AFF2: variants seen among roughly 807,000 people sequenced by gnomAD.
AFF2 encodes the protein AF4/FMR2 family member 2.
Under a neutral mutation model 76.9 loss-of-function variants are expected in AFF2, and 14 were observed. The observed-to-expected ratio is 0.18, with a 90% CI of 0.12 to 0.28. The LOEUF (loss-of-function observed/expected upper bound fraction) is 0.28. AFF2 is among the 10% of genes least tolerant of loss of function. The pLI, the probability that AFF2 is intolerant of heterozygous loss-of-function variation, is 1.00. For missense variants in AFF2, 868 were observed against 1,001.1 expected (o/e 0.87, Z 1.79); for synonymous variants, 398 against 366.7 (o/e 1.09, Z -0.98).
At chrX:148,674,597 A>T (rs1477567880) in intron 3 of AFF2, among the ~76,000 whole-genome samples, 2 of 112,032 alleles carry the variant, frequency 1.8e-5, no homozygotes, top group Admixed American at 1.9e-4. Context: ...TCTATTCAAG[A>T]GAATCTTTTT....
intron 9 of AFF2, among the ~76,000 whole-genome samples, chrX:148,944,699 T>C (rs2071879188): frequency 9.0e-6 from 1 of 110,660 alleles, no homozygotes; most frequent in Non-Finnish European, 1.9e-5. Context: ...TTTGAAGACA[T>C]AATGGTCCAT....
At chrX:148,905,276 A>G (rs2071395848) in intron 9 of AFF2, among the ~76,000 whole-genome samples, 1 of 111,998 alleles carries the variant, frequency 8.9e-6, no homozygotes, top group African/African-American at 3.2e-5. Flanking sequence ...TTTAAGTTTC[A>G]TTTTTCTTAG....
intron 1 of AFF2, among the ~76,000 whole-genome samples, chrX:148,524,123 CTGTGTGTGTGTG>C (rs59890095): frequency 1.2e-4 from 10 of 83,462 alleles, no homozygotes; most frequent in Non-Finnish European, 2.0e-4. Context: ...CTCTCTCTCT[CTGTGTGTGTGTG>C]TGTGTGTGTG....
chrX:148,708,405 C>G (rs1465612401), intron 3 of AFF2, among the ~76,000 whole-genome samples: 1 of 111,580 alleles, frequency 9.0e-6, no homozygotes, highest in Non-Finnish European at 1.9e-5. Context: ...TGGCTTTATT[C>G]TCATATTCTT....
chrX:148,988,812 A>G (rs782181218), intron 20 of AFF2, among the ~76,000 whole-genome samples: 1 of 112,086 alleles, frequency 8.9e-6, no homozygotes, highest in South Asian at 3.7e-4. Context: ...AGCAATTTCT[A>G]TGTGCCAGGA....
At chrX:148,829,580 C>T (rs782483841) in intron 4 of AFF2, among the ~76,000 whole-genome samples, 3 of 111,806 alleles carry the variant, frequency 2.7e-5, no homozygotes, top group Admixed American at 9.5e-5. Flanking sequence ...TTTAGTCAGC[C>T]GTGTTTATAT....
intron 4 of AFF2, among the ~76,000 whole-genome samples, chrX:148,811,989 T>A (rs890114412): frequency 9.0e-6 from 1 of 111,680 alleles, no homozygotes; most frequent in Non-Finnish European, 1.9e-5. Flanking sequence ...AATTCTTTTT[T>A]TTTTTTTCCA....
chrX:148,769,926 G>A (rs1020028950), intron 3 of AFF2, among the ~76,000 whole-genome samples: 17 of 111,536 alleles, frequency 1.5e-4, no homozygotes, highest in African/African-American at 4.9e-4. Context: ...TGGGGGCAGA[G>A]CTTTCCATGG....
intron 9 of AFF2, among the ~76,000 whole-genome samples, chrX:148,928,714 A>G (rs1205235070): frequency 3.6e-5 from 4 of 112,203 alleles, no homozygotes; most frequent in Non-Finnish European, 5.6e-5. Context: ...ACAACCTACC[A>G]TGTCCATCAT....
intron 9 of AFF2, among the ~76,000 whole-genome samples, chrX:148,926,646 C>G (rs782221354): frequency 8.9e-6 from 1 of 112,078 alleles, no homozygotes; most frequent in Non-Finnish European, 1.9e-5. Flanking sequence ...CATAATTACA[C>G]AGGATATGTT....
chrX:148,647,326 A>C, intron 1 of AFF2, among the ~76,000 whole-genome samples: 1 of 112,576 alleles, frequency 8.9e-6, no homozygotes. Flanking sequence ...ATTTTAAAAC[A>C]AATTTATCAT....
intron 1 of AFF2, among the ~76,000 whole-genome samples, chrX:148,602,474 G>A (rs1000076305): frequency 6.3e-5 from 7 of 110,367 alleles, no homozygotes; most frequent in African/African-American, 2.3e-4. Context: ...GGGTGATAGC[G>A]GAGGATGAGA....
chrX:148,760,696 T>C (rs909079200), intron 3 of AFF2, among the ~76,000 whole-genome samples: 1 of 112,246 alleles, frequency 8.9e-6, no homozygotes, highest in Non-Finnish European at 1.9e-5. Flanking sequence ...CAGTGAAGTA[T>C]GCTGAGGTAT....
At chrX:148,962,686 T>C in intron 12 of AFF2, 29 bp from the exon 13 acceptor site, 1 of 1,141,812 alleles carries the variant, frequency 8.8e-7, no homozygotes, top group Non-Finnish European at 1.2e-6. Flanking sequence ...GAAGACTTTA[T>C]GACACCCTAC....
chrX:148,590,808 T>C (rs1172694611), intron 1 of AFF2, among the ~76,000 whole-genome samples: 2 of 112,291 alleles, frequency 1.8e-5, no homozygotes, highest in African/African-American at 6.5e-5. Context: ...TGAATATTTT[T>C]CATTATGATT....
chrX:148,970,184 T>C (rs781822280), intron 15 of AFF2, among the ~76,000 whole-genome samples: 235 of 112,293 alleles, frequency 2.1e-3, no homozygotes, highest in African/African-American at 7.3e-3. Context: ...CAAAATCCGC[T>C]TGAATTTGAT....
chrX:148,823,700 C>A (rs2070353829), intron 4 of AFF2, among the ~76,000 whole-genome samples: 1 of 111,981 alleles, frequency 8.9e-6, no homozygotes, highest in African/African-American at 3.2e-5. Context: ...TAATTTATTT[C>A]CTCCTGAGTC....
intron 1 of AFF2, among the ~76,000 whole-genome samples, chrX:148,594,254 C>T (rs904640023): frequency 4.5e-5 from 5 of 111,261 alleles, no homozygotes; most frequent in East Asian, 2.9e-4. Context: ...AGGACTTACT[C>T]GGGTCTGGAA....
At chrX:148,715,390 A>G (rs193098314) in intron 3 of AFF2, among the ~76,000 whole-genome samples, 4 of 111,505 alleles carry the variant, frequency 3.6e-5, no homozygotes, top group African/African-American at 6.5e-5. Flanking sequence ...AGATCAGCAC[A>G]TATATGTACA....
Sources: allele counts gnomAD v4.1 joint callset (sites outside exome capture counted in the v4.1 genomes callset), GRCh38; gene constraint gnomAD v4.1.1; transcripts MANE v1.5; gene names NCBI Gene and HGNC (gene_info 2026-07-23, HGNC 2026-07-21).